Variants in HEATR5A observed in about 807,000 individuals in gnomAD.
HEATR5A encodes the protein HEAT repeat-containing protein 5A.
In HEATR5A, 178 loss-of-function variants were observed where a neutral mutation model predicts 218.8. The observed-to-expected ratio is 0.81, with a 90% confidence interval of 0.72 to 0.92. The LOEUF (loss-of-function observed/expected upper bound fraction) is 0.92, where lower values mean the gene tolerates loss of function less well. HEATR5A is among the 40% of genes least tolerant of loss of function. HEATR5A has a pLI of 0.00. For synonymous variants in HEATR5A, 864 were observed against 871.6 expected, an observed-to-expected ratio of 0.99 and a Z score of 0.15; for missense variants, 2,420 against 2,418.9, an observed-to-expected ratio of 1.00 and a Z score of -0.01.
At chr14:31,389,055 A>C (rs368260655) in intron 6 of HEATR5A, 50 bp from the exon 7 acceptor site, 27 of 1,467,206 alleles carry the variant, frequency 1.8e-5, no homozygotes, top group African/African-American at 1.7e-4. Flanking sequence ...CTAAATTTTA[A>C]TGTAAGTTCT....
chr14:31,384,417 G>A (rs1346506421), intron 9 of HEATR5A, among the ~76,000 whole-genome samples: 1 of 150,156 alleles, frequency 6.7e-6, no homozygotes, highest in Non-Finnish European at 1.5e-5. Context: ...GTACTCCAAC[G>A]TGGGTGACAG....
chr14:31,399,659 G>A (rs541909900), intron 3 of HEATR5A, among the ~76,000 whole-genome samples: 13 of 152,102 alleles, frequency 8.5e-5, no homozygotes, highest in Non-Finnish European at 1.6e-4. Flanking sequence ...GTGAAACCCC[G>A]TATCTACTAA....
At chr14:31,330,879 T>A (rs570625849) in intron 22 of HEATR5A, among the ~76,000 whole-genome samples, 177 of 152,088 alleles carry the variant, frequency 1.2e-3, no homozygotes, top group Middle Eastern at 6.8e-3. Flanking sequence ...TGGGGTTTTC[T>A]TTTCTATCAC....
At chr14:31,337,983 G>GT (rs1356564283) in intron 21 of HEATR5A, among the ~76,000 whole-genome samples, 2 of 152,156 alleles carry the variant, frequency 1.3e-5, no homozygotes, top group Non-Finnish European at 2.9e-5. Context: ...ATATTATAAT[G>GT]TTTTATCATT....
chr14:31,295,996 A>G lies in HEATR5A; in HGVS notation c.5532T>C (p.Ser1844=), dbSNP rs776011944. Residue 1844 remains serine (S), a synonymous_variant, in exon 34 of 36, where the codon TCT becomes TCC. Transcript: ENST00000543095. ...LLTAITVFIL[S]TSPEVTTIPC... is the part of the protein sequence containing the mutation. ...GGATGGTAGTTACTTCTGGACTGGT[A>G]GACAAAATAAACACTGTGATAGCAG... 4.3e-6 allele frequency: 7 copies of G among 1,613,420 alleles called. No individual in the cohort carries two copies. The South Asian group carries it at 7.7e-5, about 18-fold the overall frequency.
chr14:31,396,268 G>A lies in HEATR5A; in HGVS notation c.448-920C>T, dbSNP rs1290006878. Among the ~76,000 whole-genome samples the A allele has an allele frequency of 4.0e-5, 6 of 151,870 alleles. No homozygotes were observed. The South Asian group carries it at 8.3e-4, about 21-fold the overall frequency. On this transcript the variant is annotated intron_variant, in intron 4 of 35. Coordinates refer to ENST00000543095, the MANE Select transcript of HEATR5A (RefSeq NM_015473.4). ...CTACTCAGGAGACTGAGGTGGGAGC[G>A]TGGTAGTGCACACCTTTAGTCTCAG... is the stretch of plus-strand genomic sequence containing the variant.
At chr14:31,328,156 G>T (rs1362311221) in intron 22 of HEATR5A, among the ~76,000 whole-genome samples, 1 of 151,670 alleles carries the variant, frequency 6.6e-6, no homozygotes, top group East Asian at 1.9e-4. Flanking sequence ...GTTTCACCAT[G>T]TTGGCCAGGC....
Position 31,368,080 on chromosome 14 carries a change from G to A in HEATR5A, c.1961+3730C>T, listed in dbSNP as rs574930099. Among the ~76,000 whole-genome samples, 5 of 152,268 alleles carry A rather than the reference G, an allele frequency of 3.3e-5. No homozygotes were observed. In the South Asian group the frequency reaches 1.0e-3, roughly 32 times the overall value. On this transcript the variant is annotated intron_variant, in intron 13 of 35. Coordinates refer to ENST00000543095, the MANE Select transcript of HEATR5A (RefSeq NM_015473.4). ...CCCAATGCAGTACTGCTGGGAGGTAGGGCCTTTTGGTAGGTGTTCAGGTCG... is the reference window on the plus strand; with the variant it reads ...CCCAATGCAGTACTGCTGGGAGGTAAGGCCTTTTGGTAGGTGTTCAGGTCG...
chr14:31,386,464 T>C lies in HEATR5A; in HGVS notation c.1301A>G (p.Asn434Ser), dbSNP rs755092461. Residue 434 changes from asparagine to serine, a missense_variant, in exon 9 of 36, where the codon AAT becomes AGT. By Grantham distance (46) the Asn-to-Ser change is conservative (BLOSUM62 1). Transcript: ENST00000543095. Reference protein sequence around the residue: ...ALQELGNLIHNLGTTAAPLLQ... With the variant: ...ALQELGNLIHSLGTTAAPLLQ... ...CAAAGGTGCCGCTGTGGTGCCAAGA[T>C]TGTGTATGAGATTTCCAAGTTCTTG... 21 of 1,613,750 alleles carry C rather than the reference T, an allele frequency of 1.3e-5. No individual in the cohort carries two copies. The highest frequency in any genetic ancestry group is 9.3e-5 in the African/African-American group (7 of 74,918).
At chr14:31,329,993 G>A (rs551152613) in intron 22 of HEATR5A, among the ~76,000 whole-genome samples, 14 of 152,356 alleles carry the variant, frequency 9.2e-5, no homozygotes, top group South Asian at 4.1e-4. Context: ...TTATGGGCGT[G>A]AGCCATCATG....
chr14:31,342,213 C>T (rs1900862829), intron 21 of HEATR5A, among the ~76,000 whole-genome samples: 1 of 151,864 alleles, frequency 6.6e-6, no homozygotes, highest in Admixed American at 6.6e-5. Context: ...ATAGCAAGAC[C>T]CTGTCTCTAC....
At chr14:31,358,357 C>T (rs1901498310) in intron 16 of HEATR5A, among the ~76,000 whole-genome samples, 1 of 152,174 alleles carries the variant, frequency 6.6e-6, no homozygotes, top group African/African-American at 2.4e-5. Flanking sequence ...TTTGTAATGA[C>T]TGCTCATAAA....
At chr14:31,380,344 T>G in intron 11 of HEATR5A, 123 bp downstream of exon 11, 1 of 601,566 alleles carries the variant, frequency 1.7e-6, no homozygotes, top group Non-Finnish European at 2.9e-6. Flanking sequence ...AGAAAAATGT[T>G]TGTGTGGCTA....
chr14:31,306,829 T>G lies in HEATR5A; in HGVS notation c.4869A>C (p.Arg1623Ser). The change falls in exon 31 of 36, where the codon AGA (arginine) becomes AGC (serine). Residue 1623 changes from arginine to serine, a missense_variant. Coordinates refer to ENST00000543095, the MANE Select transcript of HEATR5A (RefSeq NM_015473.4). ...AAGCCAACTGAATGGAAGGTGATTCTCTGGTTAAAATTACTCGATGTAGAA... is the reference window on the plus strand; with the variant it reads ...AAGCCAACTGAATGGAAGGTGATTCGCTGGTTAAAATTACTCGATGTAGAA... ...LNVLHRVILTRESPSIQLASL... is the reference protein window; with the variant it reads ...LNVLHRVILTSESPSIQLASL... 1 of 1,613,708 alleles carries G rather than the reference T, an allele frequency of 6.2e-7. No homozygotes were observed. The highest frequency in any genetic ancestry group is 8.5e-7 in the Non-Finnish European group (1 of 1,179,716).
At position 31,315,759 on chromosome 14, in the gene HEATR5A, G is replaced by A; in HGVS notation, c.4218+11C>T. 6.5e-7 allele frequency: 1 copy of A among 1,547,122 alleles called. No individual in the cohort carries two copies. Among genetic ancestry groups the A allele is most frequent in the Non-Finnish European group, 8.7e-7 (1 of 1,145,654 alleles). ...TTCCAAAATTCCAGTTACAAATTAA[G>A]AAATACCAACCTCTGCCCAGGCTTT... On this transcript the variant is annotated intron_variant, in intron 27 of 35. Transcript: ENST00000543095.
intron 10 of HEATR5A, among the ~76,000 whole-genome samples, chr14:31,380,877 C>T (rs1406462364): frequency 1.3e-5 from 2 of 152,178 alleles, no homozygotes; most frequent in Non-Finnish European, 2.9e-5. Context: ...TTTGAATTTA[C>T]TTTTAGTTTT....
chr14:31,317,191 G>C (rs1899939674), intron 26 of HEATR5A, among the ~76,000 whole-genome samples: 1 of 150,240 alleles, frequency 6.7e-6, no homozygotes, highest in Non-Finnish European at 1.5e-5. Context: ...TTAAATAAAA[G>C]AAAGTTGAAA....
chr14:31,404,282 A>G (rs2030980803), intron 1 of HEATR5A, among the ~76,000 whole-genome samples: 1 of 152,236 alleles, frequency 6.6e-6, no homozygotes, highest in East Asian at 1.9e-4. Flanking sequence ...GAATGTAGAT[A>G]AAATGCTATG....
chr14:31,333,903 G>T (rs1900560887), intron 22 of HEATR5A, among the ~76,000 whole-genome samples: 1 of 151,660 alleles, frequency 6.6e-6, no homozygotes, highest in Non-Finnish European at 1.5e-5. Context: ...GCTGGGTGTG[G>T]TGACATTCAT....
Sources: allele counts gnomAD v4.1 joint callset (sites outside exome capture counted in the v4.1 genomes callset), GRCh38; gene constraint gnomAD v4.1.1; transcripts MANE v1.5; gene names NCBI Gene and HGNC (gene_info 2026-07-23, HGNC 2026-07-21).